The following HS6ST3 variants were observed in gnomAD, a reference collection of about 807,000 sequenced individuals.
HS6ST3 encodes heparan sulfate 6-O-sulfotransferase 3, also known as heparan-sulfate 6-O-sulfotransferase 3.
HS6ST3 carries 12 observed loss-of-function variants against 36.7 expected under a neutral mutation model. The observed-to-expected ratio is 0.33, with a 90% CI of 0.21 to 0.53. The LOEUF is 0.53. Ranked by LOEUF, HS6ST3 falls within the 20% of genes least tolerant of loss-of-function variation. The pLI is 0.95. For synonymous variants in HS6ST3, 240 were observed against 257.5 expected (o/e 0.93, Z 0.65); for missense variants, 584 against 640.9 (o/e 0.91, Z 0.96).
At chr13:96,609,890 A>G (rs2056451432) in intron 1 of HS6ST3, among the ~76,000 whole-genome samples, 1 of 152,250 alleles carries the variant, frequency 6.6e-6, no homozygotes, top group Non-Finnish European at 1.5e-5. Context: ...CCTTCTCCTT[A>G]AATCTTGAGG....
chr13:96,131,335 C>T (rs903478431), intron 1 of HS6ST3, among the ~76,000 whole-genome samples: 4 of 151,866 alleles, frequency 2.6e-5, no homozygotes, highest in Admixed American at 2.6e-4. Flanking sequence ...CTACTTAAGG[C>T]TTAGGATATT....
intron 1 of HS6ST3, among the ~76,000 whole-genome samples, chr13:96,782,993 C>G (rs556691716): frequency 6.6e-6 from 1 of 152,088 alleles, no homozygotes; most frequent in Non-Finnish European, 1.5e-5. Context: ...AGCAGAGGCA[C>G]TGGACCTGAA....
At position 96,832,882 on chromosome 13, in the gene HS6ST3, C is replaced by T. The variant is rs1186699244; in HGVS notation, c.1100C>T (p.Thr367Ile). 3.7e-6 allele frequency: 6 copies of T among 1,614,074 alleles called. No individual in the cohort carries two copies. Among genetic ancestry groups the T allele is most frequent in the Middle Eastern group, 1.6e-4 (1 of 6,084 alleles). ...QRKTQFLFERTFNLKFISPFT... is the reference protein window; with the variant it reads ...QRKTQFLFERIFNLKFISPFT... ...AAGACACAGTTTCTCTTTGAGAGAA[C>T]ATTCAACCTCAAGTTCATCTCCCCC... Residue 367 changes from threonine (T) to isoleucine (I), a missense_variant, in exon 2 of 2, where the codon ACA becomes ATA. Coordinates refer to ENST00000376705, the MANE Select transcript of HS6ST3 (RefSeq NM_153456.4).
At chr13:96,688,250 C>T (rs1213962304) in intron 1 of HS6ST3, among the ~76,000 whole-genome samples, 2 of 144,912 alleles carry the variant, frequency 1.4e-5, no homozygotes, top group Middle Eastern at 3.5e-3. Flanking sequence ...AATAAAAAGA[C>T]TCTCTCTGGC....
intron 1 of HS6ST3, among the ~76,000 whole-genome samples, chr13:96,799,555 C>G (rs1877992064): frequency 6.7e-6 from 1 of 149,696 alleles, no homozygotes; most frequent in Admixed American, 6.8e-5. Flanking sequence ...ACCGCATATT[C>G]TCACTCATAG....
At chr13:96,741,454 A>G (rs1419549117) in intron 1 of HS6ST3, among the ~76,000 whole-genome samples, 1 of 152,156 alleles carries the variant, frequency 6.6e-6, no homozygotes, top group Admixed American at 6.5e-5. Flanking sequence ...ACTAATACCT[A>G]AACTTCTAGT....
At chr13:96,234,014 C>A (rs1384807985) in intron 1 of HS6ST3, among the ~76,000 whole-genome samples, 2 of 151,630 alleles carry the variant, frequency 1.3e-5, no homozygotes, top group Non-Finnish European at 2.9e-5. Context: ...TGGGACACAC[C>A]ATAGCACATC....
intron 1 of HS6ST3, among the ~76,000 whole-genome samples, chr13:96,492,450 T>C (rs2055951189): frequency 6.6e-6 from 1 of 152,206 alleles, no homozygotes; most frequent in Admixed American, 6.5e-5. Flanking sequence ...CCTGACCTGG[T>C]CCTATAGTTG....
intron 1 of HS6ST3, among the ~76,000 whole-genome samples, chr13:96,724,777 G>T (rs144584194): frequency 2.0e-5 from 3 of 152,310 alleles, no homozygotes; most frequent in African/African-American, 7.2e-5. Context: ...CCTACTGGTA[G>T]ATAATTTGGT....
At chr13:96,745,240 CTAGATCAAACATTA>C (rs1267180767) in intron 1 of HS6ST3, among the ~76,000 whole-genome samples, 1 of 152,076 alleles carries the variant, frequency 6.6e-6, no homozygotes, top group African/African-American at 2.4e-5. Context: ...AATGCACCTT[CTAGATCAAACATTA>C]TAGCCTCAAT....
chr13:96,490,094 G>A (rs2055937223), intron 1 of HS6ST3, among the ~76,000 whole-genome samples: 2 of 152,222 alleles, frequency 1.3e-5, no homozygotes, highest in South Asian at 4.1e-4. Flanking sequence ...AAATTCCTGA[G>A]AGTTAGTTCT....
At chr13:96,304,160 G>T (rs2054897676) in intron 1 of HS6ST3, among the ~76,000 whole-genome samples, 1 of 150,260 alleles carries the variant, frequency 6.7e-6, no homozygotes, top group Non-Finnish European at 1.5e-5. Flanking sequence ...AAAAAAATGT[G>T]ATTTTTACCT....
intron 1 of HS6ST3, among the ~76,000 whole-genome samples, chr13:96,425,692 C>A (rs763423902): frequency 6.6e-6 from 1 of 152,006 alleles, no homozygotes; most frequent in Admixed American, 6.6e-5. Flanking sequence ...CATAGCCCTG[C>A]ACAGACACCT....
intron 1 of HS6ST3, among the ~76,000 whole-genome samples, chr13:96,303,812 A>G (rs543991195): frequency 3.2e-4 from 49 of 152,334 alleles, no homozygotes; most frequent in South Asian, 8.3e-4. Context: ...GAATTCACCT[A>G]AGATTTAATG....
At chr13:96,108,268 C>T (rs758251721) in intron 1 of HS6ST3, among the ~76,000 whole-genome samples, 1 of 152,160 alleles carries the variant, frequency 6.6e-6, no homozygotes, top group African/African-American at 2.4e-5. Flanking sequence ...TCTCCTGTAG[C>T]GCCCCCAGGC....
At chr13:96,138,458 AATAC>A (rs943552621) in intron 1 of HS6ST3, among the ~76,000 whole-genome samples, 22 of 149,470 alleles carry the variant, frequency 1.5e-4, no homozygotes, top group African/African-American at 5.4e-4. Flanking sequence ...ATAGTTTATA[AATAC>A]ATATATACAG....
At chr13:96,682,418 G>A (rs1012940430) in intron 1 of HS6ST3, among the ~76,000 whole-genome samples, 5 of 151,908 alleles carry the variant, frequency 3.3e-5, no homozygotes, top group Non-Finnish European at 5.9e-5. Context: ...TTGTTCCTAC[G>A]CAGTTATATT....
At chr13:96,406,854 A>G (rs529689769) in intron 1 of HS6ST3, among the ~76,000 whole-genome samples, 62 of 152,198 alleles carry the variant, frequency 4.1e-4, no homozygotes, top group Non-Finnish European at 8.2e-4. Context: ...AAAAATGTAT[A>G]GGAAGTCCCC....
chr13:96,436,049 T>G (rs981335103), intron 1 of HS6ST3, among the ~76,000 whole-genome samples: 8 of 152,228 alleles, frequency 5.3e-5, no homozygotes, highest in African/African-American at 1.9e-4. Flanking sequence ...CTTCTTCTCT[T>G]TGTTGTTCTC....
Sources: allele counts gnomAD v4.1 joint callset (sites outside exome capture counted in the v4.1 genomes callset), GRCh38; gene constraint gnomAD v4.1.1; transcripts MANE v1.5; gene names NCBI Gene and HGNC (gene_info 2026-07-23, HGNC 2026-07-21).